The following ZNF407 variants were observed in gnomAD, a reference collection of about 807,000 sequenced individuals.
The protein encoded by ZNF407 is zinc finger protein 407.
In ZNF407, 17 loss-of-function variants were observed where a neutral mutation model predicts 131.2. That is an observed-to-expected ratio of 0.13 (90% CI 0.09 to 0.19). The LOEUF (loss-of-function observed/expected upper bound fraction) is 0.19. ZNF407 is among the 10% of genes least tolerant of loss of function. The pLI is 1.00. For synonymous variants in ZNF407, 1,156 were observed against 1,062.0 expected (o/e 1.09, Z -1.72); for missense variants, 2,681 against 2,830.6 (o/e 0.95, Z 1.20).
intron 3 of ZNF407, among the ~76,000 whole-genome samples, chr18:74,755,574 C>A (rs12966835): frequency 3.8e-5 from 1 of 26,022 alleles, no homozygotes; most frequent in African/African-American, 1.3e-4. Context: ...CTTCCTTCCT[C>A]CTTTCTGGTT....
chr18:75,006,591 T>G (rs2122171702), intron 8 of ZNF407, among the ~76,000 whole-genome samples: 1 of 152,320 alleles, frequency 6.6e-6, no homozygotes, highest in East Asian at 1.9e-4. Flanking sequence ...TATTAATCTA[T>G]AATATAATTG....
chr18:75,025,997 C>T (rs550775406), intron 8 of ZNF407, among the ~76,000 whole-genome samples: 2 of 152,182 alleles, frequency 1.3e-5, no homozygotes, highest in Non-Finnish European at 2.9e-5. Flanking sequence ...AATCAACATC[C>T]ACTACGTAGA....
At chr18:74,714,150 A>G (rs185366143) in intron 3 of ZNF407, among the ~76,000 whole-genome samples, 1 of 152,350 alleles carries the variant, frequency 6.6e-6, no homozygotes, top group Admixed American at 6.5e-5. Flanking sequence ...TATAAAGAAT[A>G]TTTTCTTGCC....
chr18:74,854,027 C>CA (rs1177610431), intron 4 of ZNF407, among the ~76,000 whole-genome samples: 1 of 152,142 alleles, frequency 6.6e-6, no homozygotes, highest in Non-Finnish European at 1.5e-5. Context: ...CATTACCTGT[C>CA]ACATATATAA....
At chr18:74,798,374 AAAGG>A (rs962120443) in intron 4 of ZNF407, among the ~76,000 whole-genome samples, 1 of 152,168 alleles carries the variant, frequency 6.6e-6, no homozygotes, top group African/African-American at 2.4e-5. Context: ...ACAGTGAAAA[AAAGG>A]AAGGCAAGGA....
intron 3 of ZNF407, among the ~76,000 whole-genome samples, chr18:74,712,079 C>T (rs1285854359): frequency 6.6e-6 from 1 of 151,976 alleles, no homozygotes; most frequent in Non-Finnish European, 1.5e-5. Context: ...CTGATTTGGC[C>T]CTGGCGTGTG....
rs766707137 is a variant in ZNF407, at chr18:74,632,809, C to G, written c.1790C>G (p.Ser597Cys). 5 of 1,613,742 alleles carry G rather than the reference C, an allele frequency of 3.1e-6. No homozygotes were observed. In the African/African-American group the frequency reaches 6.7e-5, roughly 22 times the overall value. The change falls in exon 2 of 9, where the codon TCC becomes TGC. Residue 597 changes from serine (S) to cysteine (C), a missense_variant. Ser to Cys is a moderately radical substitution (Grantham distance 112). Coordinates refer to ENST00000299687, the MANE Select transcript of ZNF407 (RefSeq NM_017757.3). Reference sequence around the variant, plus strand: ...AGTTGTCAGTGTTGTTCATTTATATCCTTGGATGAAATAAATCTTAGAGAC... The same window carrying G: ...AGTTGTCAGTGTTGTTCATTTATATGCTTGGATGAAATAAATCTTAGAGAC... Reference protein sequence around the residue: ...VLSCQCCSFISLDEINLRDHM... With the variant: ...VLSCQCCSFICLDEINLRDHM...
intron 1 of ZNF407, among the ~76,000 whole-genome samples, chr18:74,623,937 G>T (rs910998926): frequency 1.3e-5 from 2 of 152,136 alleles, no homozygotes; most frequent in Non-Finnish European, 2.9e-5. Context: ...GGGAATTGAT[G>T]ATTTGAATAG....
chr18:74,821,067 G>A (rs934817365), intron 4 of ZNF407, among the ~76,000 whole-genome samples: 1 of 152,070 alleles, frequency 6.6e-6, no homozygotes, highest in African/African-American at 2.4e-5. Flanking sequence ...TCAGTTCTGT[G>A]ATCGATGCCT....
chr18:74,858,098 T>C (rs911692074), intron 4 of ZNF407, among the ~76,000 whole-genome samples: 1 of 135,768 alleles, frequency 7.4e-6, no homozygotes, highest in Non-Finnish European at 1.6e-5. Context: ...CCTTCCTTCC[T>C]CCCTTCCTTT....
chr18:74,894,162 T>C (rs950809243), intron 7 of ZNF407, among the ~76,000 whole-genome samples: 1 of 152,142 alleles, frequency 6.6e-6, no homozygotes, highest in Non-Finnish European at 1.5e-5. Flanking sequence ...TGTAAACGTG[T>C]ACCTCCTTCA....
At position 74,638,337 on chromosome 18, in the gene ZNF407, T is replaced by C. The variant is rs760803491; in HGVS notation, c.4687+2631T>C. Among the ~76,000 whole-genome samples, 64 of 152,262 alleles carry C rather than the reference T, an allele frequency of 4.2e-4. 1 individual carries two copies. The highest frequency in any genetic ancestry group is 8.2e-4 in the Non-Finnish European group (56 of 68,018). On this transcript the variant is annotated intron_variant, in intron 2 of 8. Coordinates refer to ENST00000299687, the MANE Select transcript of ZNF407 (RefSeq NM_017757.3). ...GTCCCACATTAGTTGGCTCTTGGTA[T>C]ATCTTGATGAGTGAATAAATGAACG...
At chr18:74,888,859 C>T (rs535100093) in intron 6 of ZNF407, among the ~76,000 whole-genome samples, 5 of 152,228 alleles carry the variant, frequency 3.3e-5, no homozygotes, top group South Asian at 4.2e-4. Flanking sequence ...TCACTATCTT[C>T]GTGTCCTCTG....
chr18:75,054,903 A>G (rs892569354), intron 8 of ZNF407, among the ~76,000 whole-genome samples: 2 of 152,240 alleles, frequency 1.3e-5, no homozygotes. Flanking sequence ...CCCCATACAA[A>G]GCCTGAAGGG....
chr18:74,827,585 T>C (rs1450567437), intron 4 of ZNF407, among the ~76,000 whole-genome samples: 1 of 152,192 alleles, frequency 6.6e-6, no homozygotes, highest in Non-Finnish European at 1.5e-5. Flanking sequence ...CTTCTTTCTT[T>C]GCTGAAATCA....
At position 74,634,586 on chromosome 18, in the gene ZNF407, C is replaced by T. The variant is rs1280959002; in HGVS notation, c.3567C>T (p.Ser1189=). The part of the protein sequence containing the change: ...KPEEMMSLTM[S]SNYGSPSRFQ... ...AGGAGATGATGTCACTTACTATGTC[C>T]TCAAACTATGGCTCCCCAAGCAGAT... The change falls in exon 2 of 9, where the codon TCC becomes TCT. Residue 1189 remains serine, a synonymous_variant. Coordinates refer to ENST00000299687, the MANE Select transcript of ZNF407 (RefSeq NM_017757.3). The T allele has an allele frequency of 1.2e-6, 2 of 1,613,780 alleles. No homozygotes were observed. Among genetic ancestry groups the T allele is most frequent in the Non-Finnish European group, 1.7e-6 (2 of 1,179,890 alleles).
intron 8 of ZNF407, among the ~76,000 whole-genome samples, chr18:74,970,812 C>G (rs1972464062): frequency 1.3e-5 from 2 of 152,206 alleles, no homozygotes; most frequent in Admixed American, 1.3e-4. Flanking sequence ...TAGGTGGTGC[C>G]CCAGTGGGGA....
chr18:74,786,699 A>AT (rs1969720102), intron 4 of ZNF407, among the ~76,000 whole-genome samples: 1 of 138,330 alleles, frequency 7.2e-6, no homozygotes, highest in South Asian at 2.2e-4. Flanking sequence ...CTGTTTTTTC[A>AT]TTTTTTCCAT....
chr18:74,995,341 G>T (rs1972767914), intron 8 of ZNF407, among the ~76,000 whole-genome samples: 1 of 145,686 alleles, frequency 6.9e-6, no homozygotes. Context: ...TCACAAAAGG[G>T]GCAGCCAAGA....
Sources: allele counts gnomAD v4.1 joint callset (sites outside exome capture counted in the v4.1 genomes callset), GRCh38; gene constraint gnomAD v4.1.1; transcripts MANE v1.5; gene names NCBI Gene and HGNC (gene_info 2026-07-23, HGNC 2026-07-21).